CLVS1: variants seen among roughly 807,000 people sequenced by gnomAD.
CLVS1 encodes clavesin-1.
In CLVS1, 10 loss-of-function variants were observed where a neutral mutation model predicts 33.1. The observed-to-expected ratio is 0.30, with a 90% CI of 0.19 to 0.51. CLVS1 has a LOEUF of 0.51. Ranked by LOEUF, CLVS1 falls within the 20% of genes least tolerant of loss-of-function variation. CLVS1 has a pLI of 0.97. For synonymous variants in CLVS1, 163 were observed against 166.1 expected, an observed-to-expected ratio of 0.98 and a Z score of 0.14; for missense variants, 343 against 433.4, an observed-to-expected ratio of 0.79 and a Z score of 1.85.
At chr8:61,371,324 C>A (rs1354343993) in intron 2 of CLVS1, among the ~76,000 whole-genome samples, 1 of 152,184 alleles carries the variant, frequency 6.6e-6, no homozygotes, top group Non-Finnish European at 1.5e-5. Context: ...CTTTAGCCCA[C>A]ATTTTGATGG....
At chr8:61,361,217 T>C (rs1048713209) in intron 2 of CLVS1, among the ~76,000 whole-genome samples, 7 of 152,176 alleles carry the variant, frequency 4.6e-5, no homozygotes, top group African/African-American at 7.2e-5. Flanking sequence ...CCTCCAACAA[T>C]TGGGATTACA....
the CLVS1 span, among the ~76,000 whole-genome samples, chr8:60,997,063 T>TA: frequency 1.3e-5 from 2 of 151,960 alleles, no homozygotes; most frequent in African/African-American, 4.8e-5. Context: ...AGGTTTAAAA[T>TA]AAAAAAAATT....
rs187198203 is a variant in CLVS1 at position 61,230,275 on chromosome 8, C to T, written c.-151-69402C>T. On this transcript the variant is annotated intron_variant, in intron 2 of 2. Transcript: ENST00000522621. ...AAGTTAAATATCTTAAATGTTAATA[C>T]GAACAGAGGGACAGGATGTAGCACA... Among the ~76,000 whole-genome samples the T allele has an allele frequency of 1.1e-4, 16 of 152,196 alleles. No individual in the cohort carries two copies. In the East Asian group the frequency reaches 1.2e-3, roughly 11 times the overall value.
At chr8:61,259,823 C>T (rs994031308) in intron 2 of CLVS1, among the ~76,000 whole-genome samples, 6 of 152,118 alleles carry the variant, frequency 3.9e-5, no homozygotes, top group African/African-American at 1.5e-4. Flanking sequence ...GTGTGGCAGG[C>T]TGCCTCAGCT....
At chr8:61,194,224 T>C (rs1807554945) in intron 2 of CLVS1, among the ~76,000 whole-genome samples, 1 of 152,078 alleles carries the variant, frequency 6.6e-6, no homozygotes. Flanking sequence ...CTATTAAATG[T>C]AAATGACTAG....
At chr8:61,060,369 G>C (rs1000871551) in intron 1 of CLVS1, among the ~76,000 whole-genome samples, 3 of 152,170 alleles carry the variant, frequency 2.0e-5, no homozygotes, top group African/African-American at 7.2e-5. Flanking sequence ...TTGAGGAAAT[G>C]ATGGTCCAGT....
the CLVS1 span, among the ~76,000 whole-genome samples, chr8:60,995,467 A>T: frequency 6.6e-6 from 1 of 152,216 alleles, no homozygotes; most frequent in Non-Finnish European, 1.5e-5. Flanking sequence ...ATGAGATACC[A>T]TCTCACACCA....
At chr8:61,216,258 C>T (rs1215652766) in intron 2 of CLVS1, among the ~76,000 whole-genome samples, 2 of 152,158 alleles carry the variant, frequency 1.3e-5, no homozygotes, top group Admixed American at 1.3e-4. Flanking sequence ...ATGGCAAAAA[C>T]TGGATGCTGA....
chr8:61,241,242 A>G (rs1294042429), intron 2 of CLVS1, among the ~76,000 whole-genome samples: 4 of 152,220 alleles, frequency 2.6e-5, no homozygotes, highest in African/African-American at 9.7e-5. Flanking sequence ...GTTTATTATG[A>G]ATTCTTATGA....
At chr8:61,422,412 G>A (rs1815714983) in intron 3 of CLVS1, among the ~76,000 whole-genome samples, 1 of 152,128 alleles carries the variant, frequency 6.6e-6, no homozygotes, top group African/African-American at 2.4e-5. Context: ...CAGAGGAGAG[G>A]AAAACAGGAC....
the CLVS1 span, among the ~76,000 whole-genome samples, chr8:60,975,993 C>T: frequency 6.6e-6 from 1 of 152,172 alleles, no homozygotes; most frequent in South Asian, 2.1e-4. Flanking sequence ...TGCCCTGAGA[C>T]CCAATGTTTC....
At chr8:61,068,798 G>T (rs1329617963) in intron 1 of CLVS1, among the ~76,000 whole-genome samples, 1 of 152,048 alleles carries the variant, frequency 6.6e-6, no homozygotes, top group African/African-American at 2.4e-5. Flanking sequence ...TCCTTCATCT[G>T]CTCCCCACAC....
intron 1 of CLVS1, among the ~76,000 whole-genome samples, chr8:61,293,584 T>A (rs1222279975): frequency 6.6e-6 from 1 of 152,182 alleles, no homozygotes; most frequent in African/African-American, 2.4e-5. Flanking sequence ...GATTTTCAGT[T>A]TTGGCTTAGA....
intron 3 of CLVS1, among the ~76,000 whole-genome samples, chr8:61,420,314 T>C (rs1406103568): frequency 2.0e-5 from 3 of 152,116 alleles, no homozygotes; most frequent in Non-Finnish European, 4.4e-5. Context: ...AAAAAAACAT[T>C]GTTGGCCGGG....
chr8:61,435,587 G>A lies in CLVS1; in HGVS notation c.631-18554G>A, dbSNP rs79143296. Among the ~76,000 whole-genome samples the A allele has an allele frequency of 8.3e-3, 1,253 of 151,302 alleles. 18 individuals carry two copies. Among genetic ancestry groups the A allele is most frequent in the East Asian group, 0.047 (245 of 5,166 alleles). On this transcript the variant is annotated intron_variant, in intron 3 of 5. Coordinates refer to ENST00000325897, the MANE Select transcript of CLVS1 (RefSeq NM_173519.3). ...TCCTAAGATTTAGGTGGCTTAAAAG[G>A]GGTAGCACATTAGTTAATAGTGAAA...
chr8:61,428,419 G>A (rs1025778158), intron 3 of CLVS1, among the ~76,000 whole-genome samples: 1 of 152,124 alleles, frequency 6.6e-6, no homozygotes, highest in South Asian at 2.1e-4. Flanking sequence ...CAATACAATG[G>A]CTAATAATAA....
At chr8:61,345,638 A>ATGTGTGTGTGTG (rs1004446368) in intron 2 of CLVS1, among the ~76,000 whole-genome samples, 16 of 130,484 alleles carry the variant, frequency 1.2e-4, no homozygotes, top group African/African-American at 5.1e-4. Flanking sequence ...GTGTGTGTGT[A>ATGTGTGTGTGTG]TGTGTGTGTG....
At chr8:61,357,236 C>A (rs1211616983) in intron 2 of CLVS1, among the ~76,000 whole-genome samples, 1 of 151,966 alleles carries the variant, frequency 6.6e-6, no homozygotes, top group Non-Finnish European at 1.5e-5. Flanking sequence ...ATAGGCTAAG[C>A]CAAAATTTAA....
chr8:61,149,050 A>T (rs1478750640), intron 2 of CLVS1, among the ~76,000 whole-genome samples: 1 of 152,158 alleles, frequency 6.6e-6, no homozygotes, highest in Non-Finnish European at 1.5e-5. Flanking sequence ...TGCTATAAAC[A>T]CTTAGCATAA....
Sources: allele counts gnomAD v4.1 joint callset (sites outside exome capture counted in the v4.1 genomes callset), GRCh38; gene constraint gnomAD v4.1.1; transcripts MANE v1.5; gene names NCBI Gene and HGNC (gene_info 2026-07-23, HGNC 2026-07-21).